The following KCTD16 variants were observed in gnomAD, a reference collection of about 807,000 sequenced individuals.
KCTD16 encodes the protein BTB/POZ domain-containing protein KCTD16.
Under a neutral mutation model 33.2 loss-of-function variants are expected in KCTD16, and 13 were observed. The ratio of observed to expected loss-of-function variants is 0.39; its 90% CI spans 0.25 to 0.62. The LOEUF (loss-of-function observed/expected upper bound fraction) is 0.62. Ranked by LOEUF, KCTD16 falls within the 20% of genes least tolerant of loss-of-function variation. KCTD16 has a pLI of 0.50. For missense variants in KCTD16, 441 were observed against 525.1 expected (o/e 0.84, Z 1.57); for synonymous variants, 197 against 195.3 (o/e 1.01, Z -0.07).
At position 144,350,318 on chromosome 5, in the gene KCTD16, C is replaced by G. The variant is rs1311272610; in HGVS notation, c.833-123342C>G. ...GGAGTCCAGAACTGCAAACACAAGG[C>G]CTGGTTATTTTTCTTATAAGAAGAA... On this transcript the variant is annotated intron_variant, in intron 3 of 3. Coordinates refer to ENST00000512467, the MANE Select transcript of KCTD16 (RefSeq NM_020768.4). 6.6e-5 allele frequency among the ~76,000 whole-genome samples: 10 copies of G among 152,098 alleles called. No individual in the cohort carries two copies. In the South Asian group the frequency reaches 2.1e-3, roughly 32 times the overall value.
intron 3 of KCTD16, among the ~76,000 whole-genome samples, chr5:144,222,858 C>T (rs991813017): frequency 2.6e-5 from 4 of 152,090 alleles, no homozygotes; most frequent in South Asian, 2.1e-4. Context: ...TTTACTGCGG[C>T]GCTGTTCACA....
chr5:144,202,278 A>G (rs1753060648), intron 2 of KCTD16, among the ~76,000 whole-genome samples: 1 of 152,198 alleles, frequency 6.6e-6, no homozygotes, highest in Non-Finnish European at 1.5e-5. Flanking sequence ...GAAGGCTAGG[A>G]ATACACTTAC....
At chr5:144,393,205 G>A (rs1752490534) in intron 3 of KCTD16, among the ~76,000 whole-genome samples, 1 of 152,076 alleles carries the variant, frequency 6.6e-6, no homozygotes, top group African/African-American at 2.4e-5. Context: ...CAATAATCTT[G>A]TGATATTAGT....
chr5:144,323,911 G>A (rs533706774), intron 3 of KCTD16, among the ~76,000 whole-genome samples: 1 of 152,250 alleles, frequency 6.6e-6, no homozygotes, highest in African/African-American at 2.4e-5. Flanking sequence ...CTTCACTAAT[G>A]TTTTACAATT....
chr5:144,472,068 T>C (rs1278439949), intron 3 of KCTD16, among the ~76,000 whole-genome samples: 1 of 152,242 alleles, frequency 6.6e-6, no homozygotes, highest in Admixed American at 6.5e-5. Context: ...ACTTTGACTA[T>C]ATTAGAAATG....
chr5:144,172,156 A>G (rs1230178491), intron 1 of KCTD16, among the ~76,000 whole-genome samples: 1 of 148,502 alleles, frequency 6.7e-6, no homozygotes, highest in African/African-American at 2.6e-5. Flanking sequence ...CTCCCCTCCA[A>G]ACAAAAATAG....
chr5:144,308,050 A>G (rs1751655128), intron 3 of KCTD16, among the ~76,000 whole-genome samples: 1 of 152,334 alleles, frequency 6.6e-6, no homozygotes, highest in Middle Eastern at 3.4e-3. Context: ...GGCTCTTTCT[A>G]TCTCACAAGC....
intron 3 of KCTD16, among the ~76,000 whole-genome samples, chr5:144,422,803 T>G (rs1289925185): frequency 6.6e-6 from 1 of 152,152 alleles, no homozygotes; most frequent in African/African-American, 2.4e-5. Flanking sequence ...AAATACTCCT[T>G]GTCTAGTGCT....
intron 3 of KCTD16, among the ~76,000 whole-genome samples, chr5:144,465,182 C>CCA: frequency 1.0e-5 from 1 of 99,280 alleles, no homozygotes; most frequent in Non-Finnish European, 2.0e-5. Context: ...GTCTCTCTCT[C>CCA]CCCCCCCTCT....
intron 3 of KCTD16, among the ~76,000 whole-genome samples, chr5:144,342,088 G>C (rs1270645186): frequency 1.3e-5 from 2 of 152,166 alleles, no homozygotes; most frequent in Non-Finnish European, 1.5e-5. Context: ...GAACTTTAAA[G>C]TAGTTTTTTC....
At chr5:144,224,999 G>C (rs1216248944) in intron 3 of KCTD16, among the ~76,000 whole-genome samples, 1 of 152,118 alleles carries the variant, frequency 6.6e-6, no homozygotes, top group Admixed American at 6.5e-5. Context: ...ATTAAGAATG[G>C]GGGTAAGGAT....
At chr5:144,203,266 T>A (rs1286031158) in intron 2 of KCTD16, among the ~76,000 whole-genome samples, 3 of 152,126 alleles carry the variant, frequency 2.0e-5, no homozygotes. Context: ...GTATTAATAT[T>A]AATATTAATT....
At chr5:144,333,295 C>A (rs1183751774) in intron 3 of KCTD16, among the ~76,000 whole-genome samples, 1 of 152,080 alleles carries the variant, frequency 6.6e-6, no homozygotes, top group East Asian at 1.9e-4. Context: ...AACAATTGAG[C>A]AGAAGGAGCT....
At chr5:144,345,485 A>G (rs1352743176) in intron 3 of KCTD16, among the ~76,000 whole-genome samples, 4 of 152,150 alleles carry the variant, frequency 2.6e-5, no homozygotes, top group African/African-American at 9.7e-5. Flanking sequence ...TGTTTTTCTC[A>G]ACCACATTAT....
intron 3 of KCTD16, among the ~76,000 whole-genome samples, chr5:144,390,693 C>T (rs1752429435): frequency 1.3e-5 from 2 of 151,884 alleles, no homozygotes; most frequent in South Asian, 2.1e-4. Context: ...CTACCCCCGA[C>T]GGGCCCCGGT....
chr5:144,379,857 C>CA (rs1192106788), intron 3 of KCTD16, among the ~76,000 whole-genome samples: 18 of 152,160 alleles, frequency 1.2e-4, no homozygotes, highest in African/African-American at 4.3e-4. Context: ...TCAAATAAAG[C>CA]AAAATGTAAA....
chr5:144,293,281 A>G (rs1755945865), intron 3 of KCTD16, among the ~76,000 whole-genome samples: 1 of 152,268 alleles, frequency 6.6e-6, no homozygotes. Flanking sequence ...TTGTGTTATG[A>G]TATGGAAATC....
At chr5:144,199,301 G>A (rs934188310) in intron 2 of KCTD16, among the ~76,000 whole-genome samples, 14 of 152,056 alleles carry the variant, frequency 9.2e-5, no homozygotes, top group African/African-American at 3.1e-4. Flanking sequence ...CTGCTTTACC[G>A]AAAGATATAT....
At chr5:144,412,415 C>G (rs1423432541) in intron 3 of KCTD16, among the ~76,000 whole-genome samples, 2 of 152,066 alleles carry the variant, frequency 1.3e-5, no homozygotes. Context: ...GTGAAATAAG[C>G]TAGGCTGAGA....
Sources: gnomAD v4.1 joint callset for allele counts (sites outside exome capture counted in the v4.1 genomes callset) on GRCh38, gnomAD v4.1.1 for gene constraint, MANE v1.5 for transcripts, NCBI Gene and HGNC (gene_info 2026-07-23, HGNC 2026-07-21) for gene names.